Variants in DISC1 observed in about 807,000 individuals in gnomAD.
DISC1 encodes DISC1 scaffold protein, also known as disrupted in schizophrenia 1 protein.
A neutral mutation model predicts 84.5 loss-of-function variants in DISC1; 57 were observed. That is an observed-to-expected ratio of 0.67 (90% CI 0.55 to 0.84). The LOEUF (loss-of-function observed/expected upper bound fraction) is 0.84, where lower values mean the gene tolerates loss of function less well. DISC1 is among the 40% of genes least tolerant of loss of function. The pLI is 0.00. For synonymous variants in DISC1, 411 were observed against 415.2 expected (o/e 0.99, Z 0.12); for missense variants, 1,000 against 1,057.8 (o/e 0.95, Z 0.76).
chr1:231,723,709 A>G (rs2070209726), intron 3 of DISC1: 4 of 985,366 alleles, frequency 4.1e-6, no homozygotes, highest in Non-Finnish European at 3.6e-6. Flanking sequence ...TCTTCCATTC[A>G]TCTCTCCTTC....
At chr1:231,788,390 T>C (rs2078053333) in intron 6 of DISC1, among the ~76,000 whole-genome samples, 2 of 152,234 alleles carry the variant, frequency 1.3e-5, no homozygotes, top group South Asian at 4.1e-4. Flanking sequence ...AGATGATCAT[T>C]TTCTCCCTGT....
At chr1:231,757,847 C>A (rs1020086746) in intron 4 of DISC1, among the ~76,000 whole-genome samples, 1 of 152,104 alleles carries the variant, frequency 6.6e-6, no homozygotes, top group Non-Finnish European at 1.5e-5. Flanking sequence ...AATGCTGCAG[C>A]GGACAGTTTG....
At chr1:231,951,948 G>A (rs1418080090) in intron 9 of DISC1, among the ~76,000 whole-genome samples, 1 of 151,702 alleles carries the variant, frequency 6.6e-6, no homozygotes, top group Non-Finnish European at 1.5e-5. Context: ...GCTCACACCT[G>A]ACTCAGCTAT....
chr1:231,681,517 C>T (rs781765917), intron 1 of DISC1, among the ~76,000 whole-genome samples: 1 of 152,086 alleles, frequency 6.6e-6, no homozygotes, highest in African/African-American at 2.4e-5. Flanking sequence ...TGGCCTTGAA[C>T]TCCACCTCCC....
At chr1:231,716,316 CAAAAAAAAAA>C (rs397861600) in intron 3 of DISC1, among the ~76,000 whole-genome samples, 2 of 82,748 alleles carry the variant, frequency 2.4e-5, no homozygotes, top group Non-Finnish European at 4.7e-5. Flanking sequence ...TTTCAATCTG[CAAAAAAAAAA>C]AAAAAAAAAA....
intron 9 of DISC1, among the ~76,000 whole-genome samples, chr1:231,914,602 G>C (rs1261330747): frequency 6.6e-6 from 1 of 152,170 alleles, no homozygotes; most frequent in Non-Finnish European, 1.5e-5. Flanking sequence ...TTTAGTTCCT[G>C]TCTGTCAGTC....
chr1:231,894,544 C>A (rs1558701842), intron 9 of DISC1, among the ~76,000 whole-genome samples: 1 of 151,940 alleles, frequency 6.6e-6, no homozygotes, highest in Non-Finnish European at 1.5e-5. Flanking sequence ...TTCTTTCCTA[C>A]TCCCAGGATC....
intron 4 of DISC1, among the ~76,000 whole-genome samples, chr1:231,766,589 G>A (rs182093470): frequency 2.0e-5 from 3 of 152,288 alleles, no homozygotes; most frequent in African/African-American, 4.8e-5. Flanking sequence ...GGTGGATGCC[G>A]TAAAGGCAAG....
At chr1:232,019,703 A>C (rs557694256) in intron 11 of DISC1, among the ~76,000 whole-genome samples, 14 of 152,164 alleles carry the variant, frequency 9.2e-5, no homozygotes, top group African/African-American at 3.4e-4. Flanking sequence ...GTGATGGGAG[A>C]GATGGGACTG....
chr1:232,011,123 G>T (rs923055050), intron 11 of DISC1, among the ~76,000 whole-genome samples: 1 of 152,110 alleles, frequency 6.6e-6, no homozygotes, highest in East Asian at 1.9e-4. Context: ...GTTCTCTGGG[G>T]ACAGACTTTC....
intron 3 of DISC1, among the ~76,000 whole-genome samples, chr1:231,709,239 A>G (rs1238934843): frequency 6.6e-6 from 1 of 152,174 alleles, no homozygotes; most frequent in Non-Finnish European, 1.5e-5. Flanking sequence ...CATGGGTTCT[A>G]AGGGTGCATG....
At chr1:231,941,325 G>A (rs928686756) in intron 9 of DISC1, among the ~76,000 whole-genome samples, 17 of 152,006 alleles carry the variant, frequency 1.1e-4, no homozygotes, top group Admixed American at 8.5e-4. Context: ...GCCCATCCCC[G>A]AGAGGCTTTC....
intron 3 of DISC1, among the ~76,000 whole-genome samples, chr1:231,736,006 GT>G (rs1224071435): frequency 2.6e-5 from 4 of 152,104 alleles, no homozygotes; most frequent in African/African-American, 9.7e-5. Context: ...TAGAAATGGG[GT>G]TTTGCTATGT....
intron 9 of DISC1, among the ~76,000 whole-genome samples, chr1:231,945,950 G>T (rs1657102247): frequency 6.6e-6 from 1 of 152,190 alleles, no homozygotes; most frequent in African/African-American, 2.4e-5. Context: ...AACAAGTTAT[G>T]AAATTGAGGC....
rs1659012583 is a variant in DISC1, at chr1:231,954,311, G to A, written c.1982-4517G>A. On this transcript the variant is annotated intron_variant, in intron 9 of 12. Transcript: ENST00000439617. The surrounding 1 kb of genome is among the most constrained non-coding windows in gnomAD (Gnocchi z 4.8). ...AAGTATATGGTCTTGCATGAAGGAG[G>A]ACCCAGATTGAACTCCTGTAGCATG... Among the ~76,000 whole-genome samples the A allele has an allele frequency of 6.6e-6, 1 of 152,162 alleles. No individual in the cohort carries two copies. The highest frequency in any genetic ancestry group is 1.5e-5 in the Non-Finnish European group (1 of 68,034).
At chr1:231,889,034 G>A (rs1298402268) in intron 9 of DISC1, among the ~76,000 whole-genome samples, 1 of 152,158 alleles carries the variant, frequency 6.6e-6, no homozygotes, top group Non-Finnish European at 1.5e-5. Context: ...GCTCCTGGGG[G>A]CACTGGGGCC....
At chr1:231,681,440 C>A (rs1224502558) in intron 1 of DISC1, among the ~76,000 whole-genome samples, 1 of 151,884 alleles carries the variant, frequency 6.6e-6, no homozygotes, top group African/African-American at 2.4e-5. Context: ...TCACGTTGGC[C>A]TCCTGGGGAA....
chr1:232,036,015 C>G (rs193126888), intron 12 of DISC1, among the ~76,000 whole-genome samples: 29 of 152,256 alleles, frequency 1.9e-4, no homozygotes, highest in African/African-American at 6.5e-4. Context: ...CCAACCAACC[C>G]AGAAAAAGCA....
chr1:231,753,093 A>G (rs2074782137), intron 4 of DISC1, among the ~76,000 whole-genome samples: 2 of 152,192 alleles, frequency 1.3e-5, no homozygotes, highest in African/African-American at 2.4e-5. Context: ...CTGCCAGTGG[A>G]TCTGCTATTC....
Sources: allele counts gnomAD v4.1 joint callset (sites outside exome capture counted in the v4.1 genomes callset), GRCh38; gene constraint gnomAD v4.1.1; non-coding constraint Gnocchi (gnomAD v3.1); transcripts MANE v1.5; gene names NCBI Gene and HGNC (gene_info 2026-07-23, HGNC 2026-07-21).